The following EPC1 variants were observed in gnomAD, a reference collection of about 807,000 sequenced individuals.
EPC1 encodes the protein enhancer of polycomb homolog 1.
A neutral mutation model predicts 98.4 loss-of-function variants in EPC1; 12 were observed. The ratio of observed to expected loss-of-function variants is 0.12; its 90% CI spans 0.08 to 0.20. The LOEUF is 0.20. EPC1 is among the 10% of genes least tolerant of loss of function. The pLI is 1.00. For synonymous variants in EPC1, 357 were observed against 363.9 expected (o/e 0.98, Z 0.21); for missense variants, 729 against 990.5 (o/e 0.74, Z 3.54).
rs1291875743 is a variant in EPC1, at chr10:32,286,736, C to T, written c.1349G>A (p.Arg450Lys). ...YCLTTLTVPQRCIGFARRRVG... is the reference protein window; with the variant it reads ...YCLTTLTVPQKCIGFARRRVG... Reference sequence around the variant, plus strand: ...CCGTCTTCGTGCAAATCCAATACACCTTTGGGGTACGGTGAGAGTAGTTAA... The same window carrying T: ...CCGTCTTCGTGCAAATCCAATACACTTTTGGGGTACGGTGAGAGTAGTTAA... The change falls in exon 9 of 14, where the codon AGG (arginine) becomes AAG (lysine). Residue 450 changes from arginine (R) to lysine (K), a missense_variant. Around this residue, in one of 6 missense-constraint regions of EPC1, gnomAD observed 390 missense variants for 438.6 expected, o/e 0.89. Coordinates refer to ENST00000319778, the MANE Select transcript of EPC1 (RefSeq NM_001272004.3). The T allele has an allele frequency of 1.2e-6, 2 of 1,614,026 alleles. No individual in the cohort carries two copies. The highest frequency in any genetic ancestry group is 2.7e-5 in the African/African-American group (2 of 74,910).
intron 1 of EPC1, among the ~76,000 whole-genome samples, chr10:32,364,322 T>C (rs1057449199): frequency 5.3e-5 from 8 of 152,092 alleles, no homozygotes; most frequent in African/African-American, 1.7e-4. Context: ...GCATGAGCTA[T>C]TGTGCCCAGC....
At chr10:32,346,221 G>A (rs1030517899) in intron 1 of EPC1, among the ~76,000 whole-genome samples, 2 of 152,212 alleles carry the variant, frequency 1.3e-5, no homozygotes, top group African/African-American at 2.4e-5. Context: ...CCACGTGGGG[G>A]CTGCACTGAG....
In EPC1 at chr10:32,355,922, C is replaced by T. The variant is rs144052756; in HGVS notation, c.3+22569G>A. ...CACTGCACCTGGCCAGTGCCTTACA[C>T]TTTTGAGTAGATAGACTACTTAAGC... On this transcript the variant is annotated intron_variant, in intron 1 of 13. Coordinates refer to the EPC1 transcript ENST00000375110. Among the ~76,000 whole-genome samples, 1,101 of 152,196 alleles carry T rather than the reference C, an allele frequency of 7.2e-3. 9 individuals are homozygous for T. Among genetic ancestry groups the T allele is most frequent in the Non-Finnish European group, 0.012 (783 of 68,004 alleles).
At chr10:32,319,753 T>C (rs558812961) in intron 1 of EPC1, among the ~76,000 whole-genome samples, 1 of 152,326 alleles carries the variant, frequency 6.6e-6, no homozygotes, top group East Asian at 1.9e-4. Context: ...CTCGGCTCAC[T>C]GCAACCCCCA....
chr10:32,369,101 T>C (rs967558317), intron 1 of EPC1, among the ~76,000 whole-genome samples: 5 of 152,168 alleles, frequency 3.3e-5, no homozygotes, highest in Admixed American at 6.5e-5. Flanking sequence ...GTCAATAGAA[T>C]AACATTGGAA....
intron 1 of EPC1, among the ~76,000 whole-genome samples, chr10:32,317,312 A>G (rs949226344): frequency 6.6e-6 from 1 of 152,222 alleles, no homozygotes; most frequent in Non-Finnish European, 1.5e-5. Flanking sequence ...TCCACAAACT[A>G]TTACCATTTG....
intron 2 of EPC1, among the ~76,000 whole-genome samples, chr10:32,301,155 T>C (rs938294217): frequency 6.6e-6 from 1 of 152,060 alleles, no homozygotes; most frequent in East Asian, 1.9e-4. Context: ...CATATAAAAA[T>C]ATACACATTG....
upstream of EPC1, among the ~76,000 whole-genome samples, chr10:32,349,940 A>G (rs1310188730): frequency 6.6e-6 from 1 of 152,206 alleles, no homozygotes; most frequent in African/African-American, 2.4e-5. Flanking sequence ...CTTCACCTTA[A>G]GGGACAGGAA....
At chr10:32,341,582 A>G (rs1258328873) in intron 1 of EPC1, among the ~76,000 whole-genome samples, 1 of 152,222 alleles carries the variant, frequency 6.6e-6, no homozygotes, top group Non-Finnish European at 1.5e-5. Flanking sequence ...TACAAATGCC[A>G]TTGCTGATCA....
chr10:32,313,902 A>C (rs994867883), intron 1 of EPC1, among the ~76,000 whole-genome samples: 1 of 152,070 alleles, frequency 6.6e-6, no homozygotes, highest in Non-Finnish European at 1.5e-5. Flanking sequence ...AAAATAAATA[A>C]ATAAAAATAA....
At chr10:32,323,485 T>C (rs906757006) in intron 1 of EPC1, among the ~76,000 whole-genome samples, 1 of 152,314 alleles carries the variant, frequency 6.6e-6, no homozygotes, top group South Asian at 2.1e-4. Context: ...TTGTATAACA[T>C]GGTGTAAGGA....
chr10:32,299,490 T>C (rs1835367089), intron 2 of EPC1, among the ~76,000 whole-genome samples: 1 of 152,050 alleles, frequency 6.6e-6, no homozygotes, highest in South Asian at 2.1e-4. Flanking sequence ...CTGGCCACCA[T>C]TGTCTTTAAG....
intron 13 of EPC1, among the ~76,000 whole-genome samples, chr10:32,269,922 A>C (rs1005855162): frequency 6.6e-6 from 1 of 152,230 alleles, no homozygotes; most frequent in Non-Finnish European, 1.5e-5. Flanking sequence ...ACAGTCTACC[A>C]GTCTGGCATT....
In EPC1 at chr10:32,291,252, T is replaced by C; in HGVS notation, c.886A>G (p.Thr296Ala). The change falls in exon 6 of 14, where the codon ACT becomes GCT. Residue 296 changes from threonine (T) to alanine (A), a missense_variant. This residue lies in a region of EPC1 where 390 missense variants were observed against 438.6 expected (regional missense o/e 0.89). Coordinates refer to ENST00000319778, the MANE Select transcript of EPC1 (RefSeq NM_001272004.3). ...VMAQRQPMKP[T>A]YAIPIIPITN... ...ATAGGGATGATGGGGATGGCATAAGTAGGTTTCATTGGCTGTCTCTGTGCC... is the reference window on the plus strand; with the variant it reads ...ATAGGGATGATGGGGATGGCATAAGCAGGTTTCATTGGCTGTCTCTGTGCC... 6.2e-7 allele frequency: 1 copy of C among 1,614,016 alleles called. No individual in the cohort carries two copies. The highest frequency in any genetic ancestry group is 8.5e-7 in the Non-Finnish European group (1 of 1,179,894).
intron 1 of EPC1, among the ~76,000 whole-genome samples, chr10:32,337,016 T>G (rs2133005347): frequency 6.6e-6 from 1 of 152,356 alleles, no homozygotes. Flanking sequence ...TTTTCCAGCT[T>G]CTTTAAATGC....
At chr10:32,374,309 T>C (rs1346488818) in intron 1 of EPC1, 1 of 152,186 alleles carries the variant, frequency 6.6e-6, no homozygotes. Flanking sequence ...ACAGTTTATA[T>C]TTACCATGAT....
At chr10:32,321,160 A>T (rs1219025351) in intron 1 of EPC1, among the ~76,000 whole-genome samples, 1 of 152,130 alleles carries the variant, frequency 6.6e-6, no homozygotes, top group Non-Finnish European at 1.5e-5. Context: ...AATCTAGCCC[A>T]CCACCTGTTT....
intron 2 of EPC1, among the ~76,000 whole-genome samples, chr10:32,297,373 T>C (rs2479359): frequency 0.85 from 128,873 of 151,064 alleles, 55,061 homozygotes; most frequent in East Asian, 0.96. Flanking sequence ...CCTCCGCCTC[T>C]CGGGTTCAAG....
At chr10:32,334,969 C>G (rs1176377238) in intron 1 of EPC1, among the ~76,000 whole-genome samples, 1 of 152,240 alleles carries the variant, frequency 6.6e-6, no homozygotes, top group East Asian at 1.9e-4. Context: ...ATTTTCTGAG[C>G]CCTGAAACAA....
Sources: allele counts gnomAD v4.1 joint callset (sites outside exome capture counted in the v4.1 genomes callset), GRCh38; gene constraint gnomAD v4.1.1; regional missense constraint gnomAD v4.1.1; transcripts MANE v1.5; gene names NCBI Gene and HGNC (gene_info 2026-07-23, HGNC 2026-07-21).